The following SOX6 variants were observed in gnomAD, a reference collection of about 807,000 sequenced individuals.
The protein encoded by SOX6 is SRY-box transcription factor 6, also known as transcription factor SOX-6.
SOX6 carries 11 observed loss-of-function variants against 97.8 expected under a neutral mutation model. That is an observed-to-expected ratio of 0.11 (90% CI 0.07 to 0.19). The LOEUF (loss-of-function observed/expected upper bound fraction) is 0.19, where lower values mean the gene tolerates loss of function less well. Ranked by LOEUF, SOX6 falls within the 10% of genes least tolerant of loss-of-function variation. The pLI, the probability that SOX6 is intolerant of heterozygous loss-of-function variation, is 1.00. For missense variants in SOX6, 810 were observed against 1,039.5 expected (o/e 0.78, Z 3.04); for synonymous variants, 360 against 371.4 (o/e 0.97, Z 0.35).
intron 4 of SOX6, among the ~76,000 whole-genome samples, chr11:16,541,775 C>T (rs1348680039): frequency 1.3e-5 from 2 of 152,174 alleles, no homozygotes; most frequent in East Asian, 1.9e-4. Context: ...TACCATCTCA[C>T]ACCAGTTAGA....
At chr11:16,153,158 C>T (rs952987824) in intron 6 of SOX6, among the ~76,000 whole-genome samples, 2 of 152,046 alleles carry the variant, frequency 1.3e-5, no homozygotes, top group African/African-American at 2.4e-5. Flanking sequence ...AGCCACCATG[C>T]CCAGACAATT....
At chr11:16,022,291 C>A (rs1314514741) in intron 12 of SOX6, among the ~76,000 whole-genome samples, 4 of 151,630 alleles carry the variant, frequency 2.6e-5, no homozygotes, top group African/African-American at 4.9e-5. Flanking sequence ...CAATACATAA[C>A]CAAAGATGCT....
rs373873583 is a variant in SOX6 at position 15,985,275 on chromosome 11, T to G, written c.2183+929A>C. On this transcript the variant is annotated intron_variant, in intron 15 of 15. Transcript: ENST00000683767. ...AGGTACCTCTTTTTCTACCTTCAAGTGAAGCTCTCTTAGTTTCCTGGCACA... is the reference window on the plus strand; with the variant it reads ...AGGTACCTCTTTTTCTACCTTCAAGGGAAGCTCTCTTAGTTTCCTGGCACA... Among the ~76,000 whole-genome samples, 20 of 152,308 alleles carry G rather than the reference T, an allele frequency of 1.3e-4. No individual in the cohort carries two copies. The East Asian group carries it at 3.3e-3, about 25-fold the overall frequency.
chr11:16,520,817 G>A (rs1861046725), intron 4 of SOX6, among the ~76,000 whole-genome samples: 1 of 152,222 alleles, frequency 6.6e-6, no homozygotes, highest in Non-Finnish European at 1.5e-5. Flanking sequence ...CGGCACACCA[G>A]GAGATTATAT....
intron 10 of SOX6, among the ~76,000 whole-genome samples, chr11:16,051,689 C>G (rs1171943372): frequency 6.6e-6 from 1 of 151,998 alleles, no homozygotes; most frequent in Non-Finnish European, 1.5e-5. Context: ...TAGGTGTTTA[C>G]TTAATTTTCT....
intron 4 of SOX6, among the ~76,000 whole-genome samples, chr11:16,540,719 C>G (rs1258319084): frequency 6.6e-6 from 1 of 152,150 alleles, no homozygotes; most frequent in South Asian, 2.1e-4. Context: ...CTCCCATTCA[C>G]AATTGCTACA....
intron 3 of SOX6, among the ~76,000 whole-genome samples, chr11:16,640,800 T>C (rs1306878627): frequency 1.3e-5 from 2 of 152,226 alleles, no homozygotes; most frequent in Non-Finnish European, 2.9e-5. Flanking sequence ...TTCTTCTCTC[T>C]TTTCTTCTTT....
At chr11:16,466,880 G>C (rs1389714242) in intron 1 of SOX6, among the ~76,000 whole-genome samples, 3 of 128,534 alleles carry the variant, frequency 2.3e-5, no homozygotes, top group Non-Finnish European at 4.7e-5. Context: ...GCAGTGAGCC[G>C]AGATCCCGCC....
At chr11:16,563,316 A>T (rs1847836204) in intron 4 of SOX6, among the ~76,000 whole-genome samples, 1 of 152,160 alleles carries the variant, frequency 6.6e-6, no homozygotes, top group Non-Finnish European at 1.5e-5. Flanking sequence ...GGGTTGGTGC[A>T]TGCGTTTAGT....
chr11:16,250,806 G>C (rs190731158), intron 3 of SOX6, among the ~76,000 whole-genome samples: 7 of 152,012 alleles, frequency 4.6e-5, no homozygotes, highest in Admixed American at 4.6e-4. Context: ...TAAATAATAA[G>C]ATTAACTTAC....
At chr11:16,296,478 T>C (rs1855093542) in intron 3 of SOX6, among the ~76,000 whole-genome samples, 1 of 152,124 alleles carries the variant, frequency 6.6e-6, no homozygotes, top group African/African-American at 2.4e-5. Context: ...ATCAGCACTG[T>C]TGACTAATCA....
At chr11:16,499,686 A>G (rs1860668405) in intron 4 of SOX6, among the ~76,000 whole-genome samples, 1 of 152,250 alleles carries the variant, frequency 6.6e-6, no homozygotes, top group African/African-American at 2.4e-5. Flanking sequence ...CAACACCTCT[A>G]TGCAAATAAA....
In SOX6 at chr11:16,060,503, G is replaced by A. The variant is rs1442096280; in HGVS notation, c.1102-4602C>T. ...AATAGAAATCAGAAAATTGAGTCCA[G>A]TGAAAAGATAGAAGGTATTCACAAA... On this transcript the variant is annotated intron_variant, in intron 9 of 15. Transcript: ENST00000683767. Among the ~76,000 whole-genome samples, 4 of 151,996 alleles carry A rather than the reference G, an allele frequency of 2.6e-5. No individual in the cohort carries two copies. The East Asian group carries it at 7.7e-4, about 29-fold the overall frequency.
intron 9 of SOX6, among the ~76,000 whole-genome samples, chr11:16,063,499 TA>T (rs1848010388): frequency 3.5e-4 from 4 of 11,376 alleles, no homozygotes; most frequent in East Asian, 0.013. Flanking sequence ...CATAATTTTA[TA>T]TATATATATA....
chr11:16,349,941 T>C (rs1271782186), intron 1 of SOX6, among the ~76,000 whole-genome samples: 1 of 152,232 alleles, frequency 6.6e-6, no homozygotes, highest in Non-Finnish European at 1.5e-5. Context: ...TAATGCCTGA[T>C]ATGCCTAATA....
intron 6 of SOX6, among the ~76,000 whole-genome samples, chr11:16,144,814 C>T (rs1053697214): frequency 1.3e-5 from 2 of 152,028 alleles, no homozygotes; most frequent in African/African-American, 2.4e-5. Flanking sequence ...AAGTTGAATC[C>T]CTGAATAGAC....
chr11:16,276,500 C>A (rs1362970280), intron 3 of SOX6, among the ~76,000 whole-genome samples: 2 of 152,150 alleles, frequency 1.3e-5, no homozygotes, highest in Non-Finnish European at 2.9e-5. Flanking sequence ...TGCTATGGGT[C>A]TTCTGGAAAA....
At chr11:16,104,274 C>T (rs764043103) in intron 7 of SOX6, among the ~76,000 whole-genome samples, 1 of 151,944 alleles carries the variant, frequency 6.6e-6, no homozygotes, top group Non-Finnish European at 1.5e-5. Context: ...CTTTGAAATA[C>T]TCTGGAAGAG....
At chr11:16,697,253 A>G (rs1276797393) in intron 3 of SOX6, among the ~76,000 whole-genome samples, 1 of 152,098 alleles carries the variant, frequency 6.6e-6, no homozygotes, top group Non-Finnish European at 1.5e-5. Flanking sequence ...AACTTCTTTC[A>G]AACTCCTATT....
Sources: allele counts gnomAD v4.1 joint callset (sites outside exome capture counted in the v4.1 genomes callset), GRCh38; gene constraint gnomAD v4.1.1; transcripts MANE v1.5; gene names NCBI Gene and HGNC (gene_info 2026-07-23, HGNC 2026-07-21).